Variants in ATF2 observed in about 807,000 individuals in gnomAD.
The protein encoded by ATF2 is cyclic AMP-dependent transcription factor ATF-2.
ATF2 carries 24 observed loss-of-function variants against 60.6 expected under a neutral mutation model. That is an observed-to-expected ratio of 0.40 (90% CI 0.29 to 0.56). The LOEUF (loss-of-function observed/expected upper bound fraction) is 0.56. Ranked by LOEUF, ATF2 falls within the 20% of genes least tolerant of loss-of-function variation. The pLI is 0.54. For synonymous variants in ATF2, 206 were observed against 215.4 expected (o/e 0.96, Z 0.38); for missense variants, 433 against 607.7 (o/e 0.71, Z 3.02).
At chr2:175,103,051 T>A (rs1183918068) in intron 10 of ATF2, among the ~76,000 whole-genome samples, 1 of 152,222 alleles carries the variant, frequency 6.6e-6, no homozygotes, top group Non-Finnish European at 1.5e-5. Flanking sequence ...TAAGAGGTGA[T>A]CTCCTAGAAA....
chr2:175,087,585 C>G (rs1399472557), intron 12 of ATF2, among the ~76,000 whole-genome samples: 1 of 152,058 alleles, frequency 6.6e-6, no homozygotes, highest in Non-Finnish European at 1.5e-5. Flanking sequence ...AATTTATGAT[C>G]TTTGACTTTC....
intron 12 of ATF2, among the ~76,000 whole-genome samples, chr2:175,081,987 AGCAGAGGCTGCAGT>A (rs1693789629): frequency 6.6e-6 from 1 of 152,124 alleles, no homozygotes; most frequent in Non-Finnish European, 1.5e-5. Flanking sequence ...GAACCCAGGA[AGCAGAGGCTGCAGT>A]GAGGTGAGAT....
intron 4 of ATF2, among the ~76,000 whole-genome samples, chr2:175,125,116 T>C (rs920572736): frequency 2.0e-5 from 3 of 152,054 alleles, no homozygotes; most frequent in Non-Finnish European, 4.4e-5. Context: ...AAGACCATTG[T>C]GTTAAAGCTG....
chr2:175,094,161 G>A (rs917945851), intron 11 of ATF2, among the ~76,000 whole-genome samples: 4 of 152,160 alleles, frequency 2.6e-5, no homozygotes, highest in African/African-American at 7.2e-5. Context: ...GGGAGGCCAA[G>A]GCGGGTGGAT....
intron 2 of ATF2, among the ~76,000 whole-genome samples, chr2:175,148,391 G>T (rs553009035): frequency 6.7e-6 from 1 of 149,176 alleles, no homozygotes; most frequent in Non-Finnish European, 1.5e-5. Context: ...GAGACAGCAT[G>T]TTGAGGCACA....
At position 175,073,843 on chromosome 2, in the gene ATF2, T is replaced by C. The variant is rs1378212217; in HGVS notation, c.*766A>G. On this transcript the variant is annotated 3_prime_UTR_variant, in exon 14 of 14. Coordinates refer to ENST00000264110, the MANE Select transcript of ATF2 (RefSeq NM_001880.4). The stretch of plus-strand genomic sequence containing the variant: ...TTTGATAACCCTGTATCATACATTA[T>C]ATAATTTCATATTTTTAGCCTCAAA... 6.6e-6 allele frequency: 1 copy of C among 152,178 alleles called. No individual in the cohort carries two copies. Among genetic ancestry groups the C allele is most frequent in the Non-Finnish European group, 1.5e-5 (1 of 68,032 alleles). The allele number at this position is 152,178 out of a possible 1,614,324, so 9.4% of individuals were successfully genotyped here. A position where few individuals can be genotyped will look rare whatever the true frequency, so the allele number is the denominator to read the frequency against.
intron 10 of ATF2, among the ~76,000 whole-genome samples, chr2:175,101,930 C>T (rs1041655878): frequency 6.6e-6 from 1 of 152,108 alleles, no homozygotes; most frequent in African/African-American, 2.4e-5. Context: ...AACAAAAATG[C>T]ACACACGCTA....
At chr2:175,101,815 T>C (rs1420533909) in intron 10 of ATF2, among the ~76,000 whole-genome samples, 1 of 152,178 alleles carries the variant, frequency 6.6e-6, no homozygotes, top group Non-Finnish European at 1.5e-5. Flanking sequence ...TTGATTACAA[T>C]GGGTCTGACT....
At chr2:175,156,020 G>C (rs1321186635) in intron 1 of ATF2, among the ~76,000 whole-genome samples, 1 of 152,074 alleles carries the variant, frequency 6.6e-6, no homozygotes, top group Non-Finnish European at 1.5e-5. Flanking sequence ...CTAATCCCTG[G>C]AACCTGTTAA....
intron 12 of ATF2, among the ~76,000 whole-genome samples, chr2:175,081,957 C>T (rs1693787580): frequency 6.6e-6 from 1 of 152,134 alleles, no homozygotes. Context: ...ACTCTGGAGG[C>T]TGAGGCAGGA....
chr2:175,092,709 C>A, intron 12 of ATF2: 1 of 359,784 alleles, frequency 2.8e-6, no homozygotes, highest in South Asian at 2.3e-5. Context: ...TATAGTTGTG[C>A]TATAAACCAA....
intron 10 of ATF2, among the ~76,000 whole-genome samples, chr2:175,107,158 T>C (rs1274631937): frequency 6.6e-6 from 1 of 151,954 alleles, no homozygotes; most frequent in Middle Eastern, 3.2e-3. Context: ...AACAACACAA[T>C]TTTTTAAATG....
intron 1 of ATF2, among the ~76,000 whole-genome samples, chr2:175,158,565 C>T (rs576756853): frequency 3.0e-4 from 45 of 152,084 alleles, no homozygotes; most frequent in East Asian, 9.7e-4. Flanking sequence ...CCTGATCCTA[C>T]GGCAAGAAGC....
chr2:175,107,268 C>G (rs1695734313), intron 10 of ATF2, among the ~76,000 whole-genome samples: 1 of 152,118 alleles, frequency 6.6e-6, no homozygotes, highest in Admixed American at 6.5e-5. Context: ...ATTAAAAAGA[C>G]AGGGAGAACC....
chr2:175,135,961 G>A (rs1698112560), intron 3 of ATF2, among the ~76,000 whole-genome samples: 2 of 151,692 alleles, frequency 1.3e-5, no homozygotes, highest in Non-Finnish European at 2.9e-5. Flanking sequence ...AAGAAAAAAA[G>A]GTGTGGCCAA....
At chr2:175,157,679 C>T (rs111443337) in intron 1 of ATF2, among the ~76,000 whole-genome samples, 6 of 152,222 alleles carry the variant, frequency 3.9e-5, no homozygotes, top group Admixed American at 1.3e-4. Context: ...ACACTAGACA[C>T]GACTTTATTC....
intron 4 of ATF2, among the ~76,000 whole-genome samples, chr2:175,128,740 T>C (rs1400957744): frequency 6.6e-6 from 1 of 152,172 alleles, no homozygotes; most frequent in East Asian, 1.9e-4. Context: ...TCAAAAGATA[T>C]TATTACGAAA....
Position 175,118,538 on chromosome 2 carries a change from C to T in ATF2, c.200-169G>A, listed in dbSNP as rs373449831. 2.2e-4 allele frequency among the ~76,000 whole-genome samples: 33 copies of T among 151,824 alleles called. No homozygotes were observed. The East Asian group carries it at 4.3e-3, about 20-fold the overall frequency. ...AAAATTTGGTTAAATTTTTGTTGTA[C>T]TTCGTATTTCCTCCAACTTTAAGAA... On this transcript the variant is annotated intron_variant, in intron 5 of 13. Transcript: ENST00000264110.
chr2:175,093,725 TCA>T (rs1314812053), intron 11 of ATF2, among the ~76,000 whole-genome samples: 1 of 152,152 alleles, frequency 6.6e-6, no homozygotes, highest in African/African-American at 2.4e-5. Flanking sequence ...ATTAAATATC[TCA>T]CATTAAATGC....
Sources: allele counts gnomAD v4.1 joint callset (sites outside exome capture counted in the v4.1 genomes callset), GRCh38; gene constraint gnomAD v4.1.1; transcripts MANE v1.5; gene names NCBI Gene and HGNC (gene_info 2026-07-23, HGNC 2026-07-21).